The following AIG1 variants were observed in gnomAD, a reference collection of about 807,000 sequenced individuals.
The protein encoded by AIG1 is androgen-induced gene 1 protein.
In AIG1, 23 loss-of-function variants were observed where a neutral mutation model predicts 31.4. That is an observed-to-expected ratio of 0.73 (90% CI 0.53 to 1.04). The LOEUF (loss-of-function observed/expected upper bound fraction) is 1.04, where lower values mean the gene tolerates loss of function less well. AIG1 is among the 50% of genes least tolerant of loss of function. The pLI is 0.00. For synonymous variants in AIG1, 100 were observed against 110.5 expected (o/e 0.90, Z 0.60); for missense variants, 274 against 295.0 (o/e 0.93, Z 0.52).
intron 2 of AIG1, among the ~76,000 whole-genome samples, chr6:143,150,750 A>G (rs1785151097): frequency 6.6e-6 from 1 of 152,180 alleles, no homozygotes; most frequent in South Asian, 2.1e-4. Context: ...AAAATCACCC[A>G]CATGAAGTAG....
intron 5 of AIG1, chr6:143,339,434 A>C: frequency 6.5e-6 from 3 of 463,648 alleles, no homozygotes; most frequent in Non-Finnish European, 3.9e-6. Context: ...AGGGTGGGGA[A>C]GAGAGGTCAC....
chr6:143,117,042 G>A (rs6905621), intron 1 of AIG1, among the ~76,000 whole-genome samples: 16,982 of 151,972 alleles, frequency 0.11, 1,625 homozygotes, highest in East Asian at 0.43. Flanking sequence ...TGTGTCTGCC[G>A]TACAGGGTCT....
At chr6:143,140,824 C>G (rs1784183950) in intron 2 of AIG1, among the ~76,000 whole-genome samples, 1 of 152,130 alleles carries the variant, frequency 6.6e-6, no homozygotes, top group African/African-American at 2.4e-5. Context: ...AGTCAAAATC[C>G]TAAGGGGCAG....
Position 143,293,903 on chromosome 6 carries a change from A to G in AIG1, c.515+9678A>G, listed in dbSNP as rs1169992555. ...TGGCAATTTTCCTGTGGATTTCTCC[A>G]GCCATCTCTATCCACTCCCCTCCAC... On this transcript the variant is annotated intron_variant, in intron 4 of 5. Coordinates refer to ENST00000357847, the MANE Select transcript of AIG1 (RefSeq NM_016108.4). This position sits in a 1 kb window ranked among gnomAD's most constrained non-coding sequence, Gnocchi z 4.8. Among the ~76,000 whole-genome samples the G allele has an allele frequency of 6.6e-6, 1 of 152,004 alleles. No homozygotes were observed. Among genetic ancestry groups the G allele is most frequent in the Non-Finnish European group, 1.5e-5 (1 of 67,992 alleles).
intron 3 of AIG1, among the ~76,000 whole-genome samples, chr6:143,228,994 T>G (rs965085890): frequency 6.6e-6 from 1 of 152,186 alleles, no homozygotes; most frequent in African/African-American, 2.4e-5. Context: ...GCCATTGCCA[T>G]GATAGAAACC....
chr6:143,248,147 T>C (rs1037982626), intron 3 of AIG1, among the ~76,000 whole-genome samples: 4 of 152,120 alleles, frequency 2.6e-5, no homozygotes, highest in African/African-American at 7.2e-5. Flanking sequence ...ATATTATCCA[T>C]GGGGCTAATA....
intron 1 of AIG1, among the ~76,000 whole-genome samples, chr6:143,098,672 CTT>C (rs1043932523): frequency 6.6e-6 from 1 of 152,152 alleles, no homozygotes; most frequent in Non-Finnish European, 1.5e-5. Context: ...TGTTAAAAAA[CTT>C]TTCTTGATTT....
At chr6:143,206,011 CTG>C (rs779483250) in intron 3 of AIG1, among the ~76,000 whole-genome samples, 21 of 152,192 alleles carry the variant, frequency 1.4e-4, no homozygotes, top group Non-Finnish European at 3.1e-4. Flanking sequence ...TTTGTTGAAT[CTG>C]TGTTTTTAAA....
In AIG1 at chr6:143,327,352, C is replaced by T; in HGVS notation, c.516-5930C>T. On this transcript the variant is annotated intron_variant, in intron 4 of 5. Coordinates refer to ENST00000357847, the MANE Select transcript of AIG1 (RefSeq NM_016108.4). This position sits in a 1 kb window ranked among gnomAD's most constrained non-coding sequence, Gnocchi z 5.3. The stretch of plus-strand genomic sequence containing the variant: ...CAAGGTGGTGACCTCGTTGATGATA[C>T]ACCATCAACATTCACAAGCGCGTCC... 1 of 258,534 alleles carries T rather than the reference C, an allele frequency of 3.9e-6. No individual in the cohort carries two copies. The highest frequency in any genetic ancestry group is 7.6e-6 in the Non-Finnish European group (1 of 130,966). The allele number at this position is 258,534 out of a possible 1,614,324, so 16.0% of individuals were successfully genotyped here. A position where few individuals can be genotyped will look rare whatever the true frequency, so the allele number is the denominator to read the frequency against.
chr6:143,090,928 C>A (rs887864150), intron 1 of AIG1, among the ~76,000 whole-genome samples: 7 of 152,210 alleles, frequency 4.6e-5, no homozygotes, highest in Non-Finnish European at 8.8e-5. Context: ...AATAGAACTT[C>A]TTTCACAATT....
chr6:143,324,837 TAGAA>T (rs986504433), intron 4 of AIG1, among the ~76,000 whole-genome samples: 8 of 152,152 alleles, frequency 5.3e-5, no homozygotes, highest in African/African-American at 1.7e-4. Context: ...ATCTCAAAAA[TAGAA>T]AGGTGACATA....
intron 1 of AIG1, among the ~76,000 whole-genome samples, chr6:143,096,275 A>G (rs991282935): frequency 6.6e-6 from 1 of 152,228 alleles, no homozygotes; most frequent in Non-Finnish European, 1.5e-5. Flanking sequence ...TATTTCCTAC[A>G]GAAATGCTAC....
At position 143,060,916 on chromosome 6, in the gene AIG1, T is replaced by C. The variant is rs1776179237; in HGVS notation, c.-10T>C. ...CCTTGCCGCCCAGCCGGTCCAGGCC[T>C]CTGGCGAACATGGCGCTTGTCCCCT... On this transcript the variant is annotated 5_prime_UTR_variant, in exon 1 of 6. Coordinates refer to ENST00000357847, the MANE Select transcript of AIG1 (RefSeq NM_016108.4). 1.9e-6 allele frequency: 3 copies of C among 1,600,760 alleles called. No individual in the cohort carries two copies. The highest frequency in any genetic ancestry group is 2.6e-6 in the Non-Finnish European group (3 of 1,175,058).
At position 143,339,762 on chromosome 6, in the gene AIG1, T is replaced by G; in HGVS notation, c.*86T>G. On this transcript the variant is annotated 3_prime_UTR_variant, in exon 6 of 6. Transcript: ENST00000357847. ...CATTGGCAGTGGGGGAGAAAAGGCT[T>G]CAAAGGAACTTGGTGGCATCAGCAC... 4 of 1,457,974 alleles carry G rather than the reference T, an allele frequency of 2.7e-6. No homozygotes were observed. Among genetic ancestry groups the G allele is most frequent in the Non-Finnish European group, 3.8e-6 (4 of 1,058,800 alleles). 90.3% of individuals were successfully genotyped at this position (1,457,974 alleles called of 1,614,324 possible).
chr6:143,327,257 C>A lies in AIG1; in HGVS notation c.516-6025C>A. ...GGACAATCGCTACACTCTTCCTTTC[C>A]AACTTGGGCCTGGCAGAATGGTTCT... On this transcript the variant is annotated intron_variant, in intron 4 of 5. Coordinates refer to ENST00000357847, the MANE Select transcript of AIG1 (RefSeq NM_016108.4). This position sits in a 1 kb window ranked among gnomAD's most constrained non-coding sequence, Gnocchi z 5.3. 1 of 205,832 alleles carries A rather than the reference C, an allele frequency of 4.9e-6. No individual in the cohort carries two copies. The highest frequency in any genetic ancestry group is 8.4e-5 in the South Asian group (1 of 11,860). The allele number at this position is 205,832 out of a possible 1,614,324, so 12.8% of individuals were successfully genotyped here.
intron 3 of AIG1, chr6:143,189,108 A>G (rs955915491): frequency 2.6e-6 from 2 of 761,318 alleles, no homozygotes; most frequent in Non-Finnish European, 3.2e-6. Context: ...CAGTGGCACT[A>G]TCATGGCTCA....
intron 1 of AIG1, among the ~76,000 whole-genome samples, chr6:143,113,557 C>A (rs1331724597): frequency 1.3e-5 from 2 of 148,914 alleles, no homozygotes; most frequent in Non-Finnish European, 3.0e-5. Flanking sequence ...CAGCCGAGAT[C>A]ACGCCACTGC....
At position 143,223,938 on chromosome 6, in the gene AIG1, A is replaced by G. The variant is rs1792734588; in HGVS notation, c.399+58755A>G. 3.3e-5 allele frequency among the ~76,000 whole-genome samples: 5 copies of G among 152,146 alleles called. No homozygotes were observed. The South Asian group carries it at 1.0e-3, about 32-fold the overall frequency. ...CATAAGGGCTGTAGTGTTGATTTTA[A>G]AATTGCAAATAATTTTTAGGGGAAA... On this transcript the variant is annotated intron_variant, in intron 3 of 5. Transcript: ENST00000357847.
At chr6:143,332,982 A>G (rs1777202322) in intron 4 of AIG1, among the ~76,000 whole-genome samples, 1 of 152,232 alleles carries the variant, frequency 6.6e-6, no homozygotes, top group African/African-American at 2.4e-5. Flanking sequence ...TAGTACTGTC[A>G]TATCAATGTT....
Sources: allele counts gnomAD v4.1 joint callset (sites outside exome capture counted in the v4.1 genomes callset), GRCh38; gene constraint gnomAD v4.1.1; non-coding constraint Gnocchi (gnomAD v3.1); transcripts MANE v1.5; gene names NCBI Gene and HGNC (gene_info 2026-07-23, HGNC 2026-07-21).